ZNF385D: variants seen among roughly 807,000 people sequenced by gnomAD.
ZNF385D encodes zinc finger protein 659.
Under a neutral mutation model 35.8 loss-of-function variants are expected in ZNF385D, and 15 were observed. The ratio of observed to expected loss-of-function variants is 0.42; its 90% CI spans 0.28 to 0.64. The LOEUF (loss-of-function observed/expected upper bound fraction) is 0.64, where lower values mean the gene tolerates loss of function less well. ZNF385D is among the 30% of genes least tolerant of loss of function. The pLI, the probability that ZNF385D is intolerant of heterozygous loss-of-function variation, is 0.23. For missense variants in ZNF385D, 474 were observed against 494.6 expected, an observed-to-expected ratio of 0.96 and a Z score of 0.39; for synonymous variants, 212 against 186.8, an observed-to-expected ratio of 1.13 and a Z score of -1.10.
At chr3:22,125,642 C>G (rs928564477) in intron 3 of ZNF385D, among the ~76,000 whole-genome samples, 1 of 152,018 alleles carries the variant, frequency 6.6e-6, no homozygotes. Flanking sequence ...AGGTCTTTCA[C>G]ATTTTTGGTT....
At chr3:22,101,707 T>C (rs1701954422) in intron 3 of ZNF385D, among the ~76,000 whole-genome samples, 1 of 151,984 alleles carries the variant, frequency 6.6e-6, no homozygotes, top group Non-Finnish European at 1.5e-5. Context: ...GAAAGGATTC[T>C]CTGGCAAAAA....
chr3:21,685,064 T>C (rs2067061166), intron 1 of ZNF385D, among the ~76,000 whole-genome samples: 3 of 152,210 alleles, frequency 2.0e-5, no homozygotes, highest in Non-Finnish European at 4.4e-5. Context: ...TTCTAACTTG[T>C]ATGTGATAAA....
In ZNF385D at chr3:21,681,298, TAAA is replaced by T. The variant is rs55872870; in HGVS notation, c.23-16273_23-16271del. ...AGCCTATGTGAATATATTCCATCAG[TAAA>T]AAAAAAAAAAAAAAAAAAAAAAACC... On this transcript the variant is annotated intron_variant, in intron 1 of 7. Transcript: ENST00000281523. Among the ~76,000 whole-genome samples the T allele has an allele frequency of 2.0e-3, 131 of 64,472 alleles. 1 individual carries two copies. Among genetic ancestry groups the T allele is most frequent in the African/African-American group, 6.2e-3 (111 of 17,838 alleles). The allele number at this position is 64,472 out of a possible 152,430, so 42.3% of individuals were successfully genotyped here.
In ZNF385D at chr3:22,130,949, T is replaced by C. The variant is rs140885121; in HGVS notation, c.325+37868A>G. ...TACTAGTGTAGGCATTAATTAGCTA[T>C]AGACTATCTGTTTCTGGAGCTTGGA... On this transcript the variant is annotated intron_variant, in intron 3 of 5. Transcript: ENST00000494108. 1.1e-4 allele frequency among the ~76,000 whole-genome samples: 17 copies of C among 152,276 alleles called. No individual in the cohort carries two copies. The East Asian group carries it at 3.1e-3, about 28-fold the overall frequency.
At position 21,865,530 on chromosome 3, in the gene ZNF385D, T is replaced by A. The variant is rs187917562; in HGVS notation, c.326-200502A>T. 1.6e-4 allele frequency among the ~76,000 whole-genome samples: 24 copies of A among 152,250 alleles called. No individual in the cohort carries two copies. In the East Asian group the frequency reaches 4.7e-3, roughly 30 times the overall value. On this transcript the variant is annotated intron_variant, in intron 3 of 5. Coordinates refer to the ZNF385D transcript ENST00000494108. ...CTCCAGCAGAACTTGCAGATCTTCC[T>A]TAACTATATTGTCAATGTGCATTCT...
chr3:21,477,640 C>T (rs998046954), intron 4 of ZNF385D, among the ~76,000 whole-genome samples: 9 of 152,036 alleles, frequency 5.9e-5, no homozygotes, highest in African/African-American at 2.2e-4. Flanking sequence ...GCTGGTGGAC[C>T]TCCATCCTCC....
chr3:21,765,678 C>G (rs2070797617), intron 3 of ZNF385D, among the ~76,000 whole-genome samples: 1 of 151,322 alleles, frequency 6.6e-6, no homozygotes, highest in South Asian at 2.1e-4. Flanking sequence ...AATAGAGATA[C>G]ATATAAGTGC....
chr3:21,889,509 T>C (rs1698729442), intron 3 of ZNF385D, among the ~76,000 whole-genome samples: 1 of 152,174 alleles, frequency 6.6e-6, no homozygotes, highest in South Asian at 2.1e-4. Flanking sequence ...AGAGATGGCT[T>C]GTAATGTCCA....
chr3:21,446,487 C>CTTTTTTTTTTTTTTTTTTTTTTTTTTTTT (rs71044918), intron 4 of ZNF385D, among the ~76,000 whole-genome samples: 1 of 91,874 alleles, frequency 1.1e-5, no homozygotes, highest in Non-Finnish European at 2.0e-5. Flanking sequence ...AATCAATGAA[C>CTTTTTTTTTTTTTTTTTTTTTTTTTTTTT]TTTTTTTTTT....
chr3:22,169,673 A>G (rs569388909), intron 2 of ZNF385D, among the ~76,000 whole-genome samples: 2 of 152,330 alleles, frequency 1.3e-5, no homozygotes, highest in East Asian at 1.9e-4. Context: ...GGGTACAAAA[A>G]AAGTGTGACT....
At chr3:21,525,429 T>A (rs1247046766) in intron 3 of ZNF385D, among the ~76,000 whole-genome samples, 1 of 152,138 alleles carries the variant, frequency 6.6e-6, no homozygotes, top group African/African-American at 2.4e-5. Context: ...GGCTTATGCC[T>A]GTAATCCCAG....
intron 3 of ZNF385D, chr3:21,562,034 A>T (rs903828742): frequency 7.0e-6 from 1 of 143,802 alleles, no homozygotes; most frequent in African/African-American, 2.7e-5. Flanking sequence ...TATGACCCAA[A>T]GTGATTAGTC....
intron 2 of ZNF385D, among the ~76,000 whole-genome samples, chr3:21,573,985 G>C (rs1372979796): frequency 1.3e-5 from 2 of 151,372 alleles, no homozygotes; most frequent in African/African-American, 4.9e-5. Flanking sequence ...TCTTGAACCC[G>C]GGAGGTGGAG....
chr3:21,865,341 G>A (rs1697289198), intron 3 of ZNF385D, among the ~76,000 whole-genome samples: 2 of 151,784 alleles, frequency 1.3e-5, no homozygotes, highest in African/African-American at 2.4e-5. Context: ...ATTGGATACA[G>A]GTCTGACTGA....
intron 2 of ZNF385D, among the ~76,000 whole-genome samples, chr3:21,598,259 GATTT>G (rs1270577319): frequency 1.3e-5 from 2 of 152,226 alleles, no homozygotes; most frequent in African/African-American, 2.4e-5. Context: ...TCTCATTTCT[GATTT>G]ATTTTCAGAG....
At chr3:21,964,475 T>C (rs1037385236) in intron 3 of ZNF385D, among the ~76,000 whole-genome samples, 85 of 8,260 alleles carry the variant, frequency 0.01, no homozygotes, top group South Asian at 0.062. Flanking sequence ...CTCAGATTTT[T>C]TTTTTTTTTT....
At chr3:22,138,113 C>T (rs7611719) in intron 3 of ZNF385D, among the ~76,000 whole-genome samples, 11,466 of 151,960 alleles carry the variant, frequency 0.075, 1,425 homozygotes, top group African/African-American at 0.26. Flanking sequence ...TTACAAGGGA[C>T]GTGAAGGACA....
intron 3 of ZNF385D, among the ~76,000 whole-genome samples, chr3:22,137,660 G>A (rs535627187): frequency 6.4e-4 from 97 of 152,230 alleles, no homozygotes; most frequent in African/African-American, 2.2e-3. Flanking sequence ...GGTATTGATG[G>A]GACGTATCTC....
At chr3:21,856,257 A>G (rs1696706649) in intron 3 of ZNF385D, among the ~76,000 whole-genome samples, 1 of 152,056 alleles carries the variant, frequency 6.6e-6, no homozygotes, top group African/African-American at 2.4e-5. Flanking sequence ...TATTTCAACA[A>G]CTAAAGTGCA....
Sources: allele counts gnomAD v4.1 joint callset (sites outside exome capture counted in the v4.1 genomes callset), GRCh38; gene constraint gnomAD v4.1.1; transcripts MANE v1.5; gene names NCBI Gene and HGNC (gene_info 2026-07-23, HGNC 2026-07-21).